Variants in OSBPL11 observed in about 807,000 individuals in gnomAD.
OSBPL11 encodes the protein oxysterol binding protein like 11.
A neutral mutation model predicts 84.4 loss-of-function variants in OSBPL11; 33 were observed. That is an observed-to-expected ratio of 0.39 (90% CI 0.30 to 0.52). OSBPL11 has a LOEUF of 0.52. Among genes scored for constraint, OSBPL11 ranks in the 20% least tolerant of loss-of-function variants. The pLI is 0.72. For synonymous variants in OSBPL11, 276 were observed against 310.2 expected, an observed-to-expected ratio of 0.89 and a Z score of 1.16; for missense variants, 736 against 901.1, an observed-to-expected ratio of 0.82 and a Z score of 2.35.
At chr3:125,572,915 GTA>G (rs1299531328) in intron 5 of OSBPL11, among the ~76,000 whole-genome samples, 25 of 137,734 alleles carry the variant, frequency 1.8e-4, no homozygotes, top group Admixed American at 3.7e-4. Flanking sequence ...TAAAGTGTGT[GTA>G]TATATATACA....
intron 10 of OSBPL11, among the ~76,000 whole-genome samples, chr3:125,540,138 T>C (rs990846415): frequency 1.3e-5 from 2 of 151,750 alleles, no homozygotes; most frequent in African/African-American, 4.8e-5. Context: ...ACATTCACAA[T>C]CAAGAGTTAA....
chr3:125,567,674 C>A (rs1936180825), intron 5 of OSBPL11, 79 bp from the exon 6 acceptor site: 2 of 1,209,812 alleles, frequency 1.7e-6, no homozygotes, highest in Admixed American at 2.0e-5. Flanking sequence ...TTTTAATTAC[C>A]AGATTCAGCT....
chr3:125,552,348 C>T lies in OSBPL11; in HGVS notation c.1487G>A (p.Gly496Glu), dbSNP rs778472130. The T allele has an allele frequency of 9.3e-6, 15 of 1,613,888 alleles. No homozygotes were observed. Among genetic ancestry groups the T allele is most frequent in the South Asian group, 3.3e-5 (3 of 91,084 alleles). Residue 496 changes from glycine to glutamate, a missense_variant, in exon 9 of 13, where the codon GGA becomes GAA. Transcript: ENST00000296220. ...PLSGESLTQV[G>E]SDCYTVRFVA... The stretch of plus-strand genomic sequence containing the variant: ...AAATCTGACTGTGTAACAGTCTGAT[C>T]CCACCTGGGTCAAAGACTCCCCCGA...
intron 8 of OSBPL11, among the ~76,000 whole-genome samples, chr3:125,555,951 G>C (rs1468270692): frequency 6.6e-6 from 1 of 152,170 alleles, no homozygotes; most frequent in Admixed American, 6.5e-5. Flanking sequence ...CCAAAGTGCT[G>C]GGATTACAGG....
chr3:125,562,792 G>A (rs919868713), intron 7 of OSBPL11, among the ~76,000 whole-genome samples: 6 of 152,132 alleles, frequency 3.9e-5, no homozygotes, highest in African/African-American at 9.7e-5. Context: ...TGGGCATGGT[G>A]GCGCATGCCT....
intron 10 of OSBPL11, among the ~76,000 whole-genome samples, chr3:125,541,088 G>A (rs1935723450): frequency 6.6e-6 from 1 of 152,156 alleles, no homozygotes; most frequent in Non-Finnish European, 1.5e-5. Flanking sequence ...GTACATGAAT[G>A]GGCATGGCTG....
intron 5 of OSBPL11, among the ~76,000 whole-genome samples, chr3:125,574,799 A>C (rs1407235499): frequency 6.6e-6 from 1 of 152,184 alleles, no homozygotes; most frequent in Non-Finnish European, 1.5e-5. Flanking sequence ...AGATATGCAT[A>C]ACTCTGTAAA....
chr3:125,593,110 C>T (rs970079970), intron 1 of OSBPL11, among the ~76,000 whole-genome samples: 1 of 152,158 alleles, frequency 6.6e-6, no homozygotes, highest in Non-Finnish European at 1.5e-5. Context: ...AATAGACTCC[C>T]GGCTCTCTCC....
intron 6 of OSBPL11, among the ~76,000 whole-genome samples, chr3:125,566,774 A>ATGTG (rs990584642): frequency 6.6e-6 from 1 of 151,530 alleles, no homozygotes; most frequent in African/African-American, 2.4e-5. Flanking sequence ...ACATATATAT[A>ATGTG]TGTGTGTATA....
At chr3:125,559,547 A>G (rs1053436564) in intron 8 of OSBPL11, among the ~76,000 whole-genome samples, 5 of 151,972 alleles carry the variant, frequency 3.3e-5, no homozygotes, top group Non-Finnish European at 7.4e-5. Flanking sequence ...ATGCCCGGCT[A>G]ATTTTTGTAT....
At chr3:125,582,777 G>A in intron 2 of OSBPL11, 133 bp downstream of exon 2, 1 of 702,480 alleles carries the variant, frequency 1.4e-6, no homozygotes, top group South Asian at 1.9e-5. Context: ...CAAACTTTTA[G>A]AAGCTGTGGG....
intron 5 of OSBPL11, among the ~76,000 whole-genome samples, chr3:125,571,611 C>A (rs1936243831): frequency 6.6e-6 from 1 of 152,198 alleles, no homozygotes; most frequent in Non-Finnish European, 1.5e-5. Context: ...GGTGCTCCAG[C>A]CATGGCTGAA....
chr3:125,538,991 A>G (rs1935682703), intron 10 of OSBPL11, among the ~76,000 whole-genome samples: 1 of 152,086 alleles, frequency 6.6e-6, no homozygotes, highest in South Asian at 2.1e-4. Context: ...GTGTTACAAC[A>G]TTACAATCTA....
At chr3:125,578,896 G>A in intron 4 of OSBPL11, 64 bp downstream of exon 4, 2 of 1,058,640 alleles carry the variant, frequency 1.9e-6, no homozygotes, top group Non-Finnish European at 2.7e-6. Context: ...ATTTTAAAAG[G>A]CAAAAAATAA....
chr3:125,594,183 A>AC (rs1284846656), intron 1 of OSBPL11, among the ~76,000 whole-genome samples: 16 of 152,208 alleles, frequency 1.1e-4, no homozygotes, highest in African/African-American at 3.4e-4. Context: ...AGTCACAAAT[A>AC]CCTTCAGGGC....
At position 125,567,556 on chromosome 3, in the gene OSBPL11, T is replaced by C; in HGVS notation, c.706A>G (p.Arg236Gly). 1 of 1,614,176 alleles carries C rather than the reference T, an allele frequency of 6.2e-7. No individual in the cohort carries two copies. The highest frequency in any genetic ancestry group is 1.3e-5 in the African/African-American group (1 of 75,058). ...GAAGTAGGAAGGCATTCAATTCGTCTAATTAAGTCTCTTTGTTGTCCTTCA... is the reference window on the plus strand; with the variant it reads ...GAAGTAGGAAGGCATTCAATTCGTCCAATTAAGTCTCTTTGTTGTCCTTCA... ...HAEGQQRDLI[R>G]RIECLPTSGH... is the part of the protein sequence containing the mutation. Residue 236 changes from arginine to glycine, a missense_variant, in exon 6 of 13, where the codon AGA becomes GGA. Coordinates refer to ENST00000296220, the MANE Select transcript of OSBPL11 (RefSeq NM_022776.5).
chr3:125,582,186 T>C (rs952926802), intron 2 of OSBPL11, among the ~76,000 whole-genome samples: 1 of 151,682 alleles, frequency 6.6e-6, no homozygotes, highest in African/African-American at 2.4e-5. Context: ...AATACAAAAA[T>C]TAGCTGGGTA....
At chr3:125,536,034 C>T (rs756047592) in intron 11 of OSBPL11, among the ~76,000 whole-genome samples, 1 of 151,010 alleles carries the variant, frequency 6.6e-6, no homozygotes, top group African/African-American at 2.4e-5. Context: ...ACTTGGGAGG[C>T]TGAGGCATGA....
intron 6 of OSBPL11, among the ~76,000 whole-genome samples, chr3:125,565,093 G>C (rs919687136): frequency 6.6e-6 from 1 of 151,988 alleles, no homozygotes; most frequent in Non-Finnish European, 1.5e-5. Context: ...AAACTAAAAG[G>C]AATTAGCCAG....
Sources: allele counts gnomAD v4.1 joint callset (sites outside exome capture counted in the v4.1 genomes callset), GRCh38; gene constraint gnomAD v4.1.1; transcripts MANE v1.5; gene names NCBI Gene and HGNC (gene_info 2026-07-23, HGNC 2026-07-21).